UBE2W: variants seen among roughly 807,000 people sequenced by gnomAD.
UBE2W encodes the protein ubiquitin-conjugating enzyme E2 W.
In UBE2W, 18 loss-of-function variants were observed where a neutral mutation model predicts 27.2. The ratio of observed to expected loss-of-function variants is 0.66; its 90% confidence interval spans 0.46 to 0.98. The LOEUF is 0.98. Ranked by LOEUF, UBE2W falls within the 50% of genes least tolerant of loss-of-function variation. The probability of loss-of-function intolerance (pLI) is 0.00; values close to 1 mark genes in which losing one functional copy is unlikely to be tolerated. For synonymous variants in UBE2W, 53 were observed against 57.2 expected, an observed-to-expected ratio of 0.93 and a Z score of 0.33; for missense variants, 90 against 180.2, an observed-to-expected ratio of 0.50 and a Z score of 2.87.
At chr8:73,836,032 T>G (rs1457972343) in intron 1 of UBE2W, among the ~76,000 whole-genome samples, 1 of 152,116 alleles carries the variant, frequency 6.6e-6, no homozygotes, top group Non-Finnish European at 1.5e-5. Context: ...TTCCTGACCC[T>G]CGGAACTGTG....
chr8:73,830,576 C>T (rs574140298), intron 1 of UBE2W, 104 bp from the exon 2 acceptor site: 2 of 829,782 alleles, frequency 2.4e-6, no homozygotes, highest in Admixed American at 4.4e-5. Context: ...TCCTCAAACT[C>T]CTGGGCTCAA....
Position 73,790,591 on chromosome 8 carries a change from G to A in UBE2W, c.*3511C>T. On this transcript the variant is annotated 3_prime_UTR_variant, in exon 6 of 6. Coordinates refer to ENST00000602593, the MANE Select transcript of UBE2W (RefSeq NM_018299.6). ...GTGAGATCAAGAAATATAAGCAGCA[G>A]TAACCATAAAGGCTTAGAACTAGTG... 1 of 985,004 alleles carries A rather than the reference G, an allele frequency of 1.0e-6. No homozygotes were observed. The highest frequency in any genetic ancestry group is 1.2e-6 in the Non-Finnish European group (1 of 829,590). The allele number at this position is 985,004 out of a possible 1,614,324, so 61.0% of individuals were successfully genotyped here.
chr8:73,849,289 A>G (rs1810965259), intron 1 of UBE2W, among the ~76,000 whole-genome samples: 1 of 152,136 alleles, frequency 6.6e-6, no homozygotes, highest in African/African-American at 2.4e-5. Context: ...ACGCAGGTGG[A>G]TCACCTGAGG....
intron 1 of UBE2W, among the ~76,000 whole-genome samples, chr8:73,860,814 G>T (rs1811506124): frequency 6.6e-6 from 1 of 152,074 alleles, no homozygotes; most frequent in African/African-American, 2.4e-5. Context: ...ACAAGACAGG[G>T]AGCTATCAAA....
chr8:73,851,108 C>T (rs910081921), intron 1 of UBE2W, among the ~76,000 whole-genome samples: 1 of 152,124 alleles, frequency 6.6e-6, no homozygotes, highest in African/African-American at 2.4e-5. Flanking sequence ...ACCTCAGCCT[C>T]CCAAAGTGCT....
intron 1 of UBE2W, among the ~76,000 whole-genome samples, chr8:73,861,957 G>C (rs1028249996): frequency 6.6e-6 from 1 of 152,194 alleles, no homozygotes; most frequent in African/African-American, 2.4e-5. Flanking sequence ...AACAAATATA[G>C]ATCTTTCCAA....
At chr8:73,856,602 G>T (rs549097613) in intron 1 of UBE2W, among the ~76,000 whole-genome samples, 2 of 151,842 alleles carry the variant, frequency 1.3e-5, no homozygotes, top group African/African-American at 4.8e-5. Flanking sequence ...TGATCTGCCC[G>T]CCCTGGCCTC....
chr8:73,814,288 C>T (rs1260035241), intron 3 of UBE2W, among the ~76,000 whole-genome samples: 1 of 152,012 alleles, frequency 6.6e-6, no homozygotes, highest in African/African-American at 2.4e-5. Context: ...TGACTAGAAC[C>T]GATGTGACAA....
At position 73,786,771 on chromosome 8, in the gene UBE2W, GA is replaced by G; in HGVS notation, c.*7330del. 10 of 985,394 alleles carry G rather than the reference GA, an allele frequency of 1.0e-5. No homozygotes were observed. Among genetic ancestry groups the G allele is most frequent in the Non-Finnish European group, 1.2e-5 (10 of 829,904 alleles). The allele number at this position is 985,394 out of a possible 1,614,324, so 61.0% of individuals were successfully genotyped here. ...GACTGGAGAGAAGGTAGAAATCTCA[GA>G]GACATTTTAAAGTTACACTCAACAG... is the stretch of plus-strand genomic sequence containing the variant. On this transcript the variant is annotated 3_prime_UTR_variant, in exon 6 of 6. Transcript: ENST00000602593.
chr8:73,814,765 C>A (rs1809319018), intron 3 of UBE2W, among the ~76,000 whole-genome samples: 1 of 152,232 alleles, frequency 6.6e-6, no homozygotes, highest in Non-Finnish European at 1.5e-5. Flanking sequence ...TGTGATCCGC[C>A]CGCCTCGGCT....
chr8:73,875,443 A>T (rs771028675), intron 1 of UBE2W, among the ~76,000 whole-genome samples: 10 of 152,326 alleles, frequency 6.6e-5, no homozygotes, highest in Middle Eastern at 3.4e-3. Flanking sequence ...TCAACTTTAA[A>T]ATACATACTC....
chr8:73,809,926 C>T (rs1586462244), intron 4 of UBE2W, among the ~76,000 whole-genome samples: 1 of 151,134 alleles, frequency 6.6e-6, no homozygotes, highest in African/African-American at 2.4e-5. Flanking sequence ...TGTTTTTTTT[C>T]CCCCCACTTC....
At position 73,810,353 on chromosome 8, in the gene UBE2W, T is replaced by C. The variant is rs371843556; in HGVS notation, c.366+121A>G. Reference sequence around the variant, plus strand: ...ATTTATTACTAAACATGAAATTCCCTATAATTTTCAAATAAAAAGCATAAA... The same window carrying C: ...ATTTATTACTAAACATGAAATTCCCCATAATTTTCAAATAAAAAGCATAAA... On this transcript the variant is annotated intron_variant, in intron 4 of 5. Coordinates refer to ENST00000602593, the MANE Select transcript of UBE2W (RefSeq NM_018299.6). 2.8e-4 allele frequency: 278 copies of C among 1,004,706 alleles called. No individual in the cohort carries two copies. The African/African-American group carries it at 3.9e-3, about 14-fold the overall frequency. The allele number at this position is 1,004,706 out of a possible 1,614,324, so 62.2% of individuals were successfully genotyped here.
downstream of UBE2W, among the ~76,000 whole-genome samples, chr8:73,782,070 A>G (rs1054004585): frequency 2.0e-5 from 3 of 150,934 alleles, no homozygotes; most frequent in Non-Finnish European, 2.9e-5. Context: ...CCTCCTGAGT[A>G]GCTGGAACTA....
At chr8:73,854,886 C>A (rs1160157824) in intron 1 of UBE2W, among the ~76,000 whole-genome samples, 1 of 152,110 alleles carries the variant, frequency 6.6e-6, no homozygotes, top group Non-Finnish European at 1.5e-5. Context: ...TGCATTCTTA[C>A]AATAAAGTGA....
At chr8:73,831,012 G>A (rs992555359) in intron 1 of UBE2W, 6 of 193,832 alleles carry the variant, frequency 3.1e-5, no homozygotes, top group African/African-American at 1.4e-4. Context: ...AATGTATGGA[G>A]TTTCCTGGAG....
rs537886347 is a variant in UBE2W at position 73,843,361 on chromosome 8, A to T, written c.16-12889T>A. Among the ~76,000 whole-genome samples the T allele has an allele frequency of 4.6e-5, 7 of 152,332 alleles. No individual in the cohort carries two copies. The South Asian group carries it at 8.3e-4, about 18-fold the overall frequency. On this transcript the variant is annotated intron_variant, in intron 1 of 5. Coordinates refer to ENST00000602593, the MANE Select transcript of UBE2W (RefSeq NM_018299.6). Reference sequence around the variant, plus strand: ...AAATAAAAATTTTTTCACCGAGCACAATGGCTTGTGCCTGTAATCCAAACA... The same window carrying T: ...AAATAAAAATTTTTTCACCGAGCACTATGGCTTGTGCCTGTAATCCAAACA...
At chr8:73,866,103 C>A (rs1399426203) in intron 1 of UBE2W, among the ~76,000 whole-genome samples, 2 of 151,386 alleles carry the variant, frequency 1.3e-5, no homozygotes, top group African/African-American at 4.9e-5. Flanking sequence ...TGGTGAAACC[C>A]CGTCTAAAAA....
rs777442514 is a variant in UBE2W at position 73,792,062 on chromosome 8, C to A, written c.*2040G>T. 18 of 985,238 alleles carry A rather than the reference C, an allele frequency of 1.8e-5. No homozygotes were observed. Among genetic ancestry groups the A allele is most frequent in the Non-Finnish European group, 2.2e-5 (18 of 829,786 alleles). The allele number at this position is 985,238 out of a possible 1,614,324, so 61.0% of individuals were successfully genotyped here. On this transcript the variant is annotated 3_prime_UTR_variant, in exon 6 of 6. Coordinates refer to ENST00000602593, the MANE Select transcript of UBE2W (RefSeq NM_018299.6). ...AATATGGAGACAGATTTCTCCCTAACCCCCAGAAGAAGATCAAGTCAAACA... is the reference window on the plus strand; with the variant it reads ...AATATGGAGACAGATTTCTCCCTAAACCCCAGAAGAAGATCAAGTCAAACA...
Sources: allele counts gnomAD v4.1 joint callset (sites outside exome capture counted in the v4.1 genomes callset), GRCh38; gene constraint gnomAD v4.1.1; transcripts MANE v1.5; gene names NCBI Gene and HGNC (gene_info 2026-07-23, HGNC 2026-07-21).